The following ABTB3 variants were observed in gnomAD, a reference collection of about 807,000 sequenced individuals.
The protein encoded by ABTB3 is ankyrin repeat- and BTB/POZ domain-containing protein 3.
the ABTB3 span, among the ~76,000 whole-genome samples, chr12:107,595,906 A>G: frequency 6.6e-6 from 1 of 152,080 alleles, no homozygotes; most frequent in African/African-American, 2.4e-5. Context: ...ATTTATATTC[A>G]CATATAAATA....
the ABTB3 span, among the ~76,000 whole-genome samples, chr12:107,320,245 C>G: frequency 4.6e-5 from 7 of 152,212 alleles, no homozygotes; most frequent in Non-Finnish European, 8.8e-5. Context: ...CTGTTTGCTC[C>G]TGCACTCGGG....
the ABTB3 span, among the ~76,000 whole-genome samples, chr12:107,517,954 G>A: frequency 1.3e-5 from 2 of 152,186 alleles, no homozygotes; most frequent in Non-Finnish European, 2.9e-5. Context: ...AGTGGGCAAA[G>A]GATATGAACA....
At chr12:107,418,105 C>A in the ABTB3 span, among the ~76,000 whole-genome samples, 39 of 152,206 alleles carry the variant, frequency 2.6e-4, no homozygotes, top group Admixed American at 2.6e-3. Context: ...CAAAGATTAA[C>A]ATTTGAGTCA....
chr12:107,463,416 T>C, the ABTB3 span, among the ~76,000 whole-genome samples: 1 of 152,138 alleles, frequency 6.6e-6, no homozygotes, highest in East Asian at 1.9e-4. Context: ...ACACTGACAA[T>C]GTACCTGGCC....
the ABTB3 span, among the ~76,000 whole-genome samples, chr12:107,641,051 G>T: frequency 6.6e-6 from 1 of 152,124 alleles, no homozygotes; most frequent in Non-Finnish European, 1.5e-5. Context: ...GCTGGGTGGC[G>T]AGCAGGGGGT....
the ABTB3 span, among the ~76,000 whole-genome samples, chr12:107,485,841 ACT>A: frequency 6.6e-6 from 1 of 152,134 alleles, no homozygotes; most frequent in East Asian, 1.9e-4. Flanking sequence ...TATCTATTTT[ACT>A]CTCTTAAATG....
chr12:107,419,333 A>C, the ABTB3 span, among the ~76,000 whole-genome samples: 2 of 152,182 alleles, frequency 1.3e-5, no homozygotes, highest in African/African-American at 2.4e-5. Context: ...TGGAGCACTT[A>C]GAATAAGCCC....
At chr12:107,396,261 A>T in the ABTB3 span, among the ~76,000 whole-genome samples, 11 of 152,200 alleles carry the variant, frequency 7.2e-5, no homozygotes, top group East Asian at 1.9e-3. Context: ...CCTTGAGAAC[A>T]ATGCCTGCCA....
chr12:107,338,039 T>C, the ABTB3 span, among the ~76,000 whole-genome samples: 2 of 152,218 alleles, frequency 1.3e-5, no homozygotes, highest in Non-Finnish European at 2.9e-5. Flanking sequence ...CCTGGTTTTG[T>C]TGTTGGAAAG....
At chr12:107,344,026 A>G in the ABTB3 span, among the ~76,000 whole-genome samples, 1 of 152,218 alleles carries the variant, frequency 6.6e-6, no homozygotes, top group East Asian at 1.9e-4. Flanking sequence ...TTCTGCATCA[A>G]CTCAGGCTCC....
At chr12:107,592,337 C>G in the ABTB3 span, among the ~76,000 whole-genome samples, 5 of 152,180 alleles carry the variant, frequency 3.3e-5, no homozygotes, top group Non-Finnish European at 7.3e-5. Flanking sequence ...GGAGGGGACT[C>G]TGGATCTACT....
the ABTB3 span, among the ~76,000 whole-genome samples, chr12:107,345,217 A>G: frequency 6.6e-6 from 1 of 152,306 alleles, no homozygotes; most frequent in East Asian, 1.9e-4. Flanking sequence ...TCTGGGTTGA[A>G]TAGATGGGCA....
At chr12:107,581,744 T>C in the ABTB3 span, among the ~76,000 whole-genome samples, 1 of 152,164 alleles carries the variant, frequency 6.6e-6, no homozygotes, top group African/African-American at 2.4e-5. Flanking sequence ...TCCTCAGGCC[T>C]GTATCCAGGG....
At chr12:107,482,748 G>A in the ABTB3 span, among the ~76,000 whole-genome samples, 1 of 151,724 alleles carries the variant, frequency 6.6e-6, no homozygotes, top group Non-Finnish European at 1.5e-5. Context: ...TCCATTCAGA[G>A]CTTGCTTTGA....
the ABTB3 span, among the ~76,000 whole-genome samples, chr12:107,593,379 A>G: frequency 3.3e-5 from 5 of 152,158 alleles, no homozygotes; most frequent in African/African-American, 1.2e-4. Flanking sequence ...TGTTACTAGG[A>G]GTGCATTTGG....
At chr12:107,572,347 CA>C in the ABTB3 span, among the ~76,000 whole-genome samples, 1 of 151,762 alleles carries the variant, frequency 6.6e-6, no homozygotes, top group African/African-American at 2.4e-5. Flanking sequence ...TTCTGGCCTC[CA>C]GAGCTGTGAG....
the ABTB3 span, among the ~76,000 whole-genome samples, chr12:107,484,698 T>C: frequency 6.6e-6 from 1 of 151,902 alleles, no homozygotes; most frequent in Non-Finnish European, 1.5e-5. Flanking sequence ...CTCAAGACTG[T>C]GTCAATAATC....
chr12:107,545,988 A>T, the ABTB3 span, among the ~76,000 whole-genome samples: 2 of 152,154 alleles, frequency 1.3e-5, no homozygotes, highest in Non-Finnish European at 2.9e-5. Flanking sequence ...GAACCTTTTC[A>T]TCTCACTCAG....
the ABTB3 span, among the ~76,000 whole-genome samples, chr12:107,565,641 G>GGTGA: frequency 6.6e-6 from 1 of 152,050 alleles, no homozygotes. Flanking sequence ...TCCATCTCTT[G>GGTGA]GTGAGATCTG....
Sources: gnomAD v4.1 joint callset for allele counts (sites outside exome capture counted in the v4.1 genomes callset) on GRCh38, gnomAD v4.1.1 for gene constraint, MANE v1.5 for transcripts, NCBI Gene and HGNC (gene_info 2026-07-23, HGNC 2026-07-21) for gene names.